PPP2R2C: variants seen among roughly 807,000 people sequenced by gnomAD.
PPP2R2C encodes the protein protein phosphatase 2 regulatory subunit Bgamma.
A neutral mutation model predicts 45.3 loss-of-function variants in PPP2R2C; 10 were observed. The ratio of observed to expected loss-of-function variants is 0.22; its 90% CI spans 0.14 to 0.37. The LOEUF is 0.37. PPP2R2C is among the 10% of genes least tolerant of loss of function. PPP2R2C has a pLI of 1.00. For missense variants in PPP2R2C, 308 were observed against 619.7 expected (o/e 0.50, Z 5.34); for synonymous variants, 257 against 245.4 (o/e 1.05, Z -0.44).
chr4:6,336,386 G>A (rs1035577470), intron 6 of PPP2R2C, among the ~76,000 whole-genome samples: 2 of 152,072 alleles, frequency 1.3e-5, no homozygotes, highest in African/African-American at 4.8e-5. Flanking sequence ...AGGGAGCTGG[G>A]AGAGAACAGG....
chr4:6,329,150 A>G lies in PPP2R2C; in HGVS notation c.1052+112T>C. On this transcript the variant is annotated intron_variant, in intron 8 of 8. Transcript: ENST00000382599. The surrounding 1 kb of genome is among the most constrained non-coding windows in gnomAD (Gnocchi z 5.8). ...GGGCTTCACCCAGACACCTGGACCCATTGAGGCTGAGTAGCCCCATGCTGC... is the reference window on the plus strand; with the variant it reads ...GGGCTTCACCCAGACACCTGGACCCGTTGAGGCTGAGTAGCCCCATGCTGC... The G allele has an allele frequency of 1.0e-6, 1 of 999,102 alleles. No individual in the cohort carries two copies. Among genetic ancestry groups the G allele is most frequent in the Non-Finnish European group, 1.5e-6 (1 of 651,366 alleles). 61.9% of individuals were successfully genotyped at this position (999,102 alleles called of 1,614,324 possible).
intron 1 of PPP2R2C, among the ~76,000 whole-genome samples, chr4:6,409,426 G>A (rs1032459981): frequency 4.6e-5 from 7 of 152,168 alleles, no homozygotes; most frequent in Non-Finnish European, 7.4e-5. Flanking sequence ...GTGGTGCCAG[G>A]CACCAGGCCC....
chr4:6,531,985 G>A (rs540137110), intron 2 of PPP2R2C, among the ~76,000 whole-genome samples: 1 of 152,336 alleles, frequency 6.6e-6, no homozygotes, highest in East Asian at 1.9e-4. Flanking sequence ...ACCCAGTATG[G>A]ATTCCATTTT....
upstream of PPP2R2C, among the ~76,000 whole-genome samples, chr4:6,474,454 C>T (rs1722065491): frequency 6.6e-6 from 1 of 152,146 alleles, no homozygotes; most frequent in Non-Finnish European, 1.5e-5. Context: ...TGAGGCCCAC[C>T]CTCCCGCATG....
intron 6 of PPP2R2C, among the ~76,000 whole-genome samples, chr4:6,338,853 T>C (rs1377745295): frequency 3.3e-5 from 5 of 152,134 alleles, no homozygotes; most frequent in South Asian, 4.1e-4. Context: ...GCAGAATGCA[T>C]CGTGCTCTGT....
In PPP2R2C at chr4:6,324,697, A is replaced by G. The variant is rs1560438727; in HGVS notation, c.1053-1104T>C. Among the ~76,000 whole-genome samples the G allele has an allele frequency of 6.6e-6, 1 of 152,202 alleles. No individual in the cohort carries two copies. The highest frequency in any genetic ancestry group is 1.5e-5 in the Non-Finnish European group (1 of 68,040). ...GCTCGCTGCCCTCACCGTCCCGCTAAAGAGAATTCCACACCATTTCTCTGC... is the reference window on the plus strand; with the variant it reads ...GCTCGCTGCCCTCACCGTCCCGCTAGAGAGAATTCCACACCATTTCTCTGC... On this transcript the variant is annotated intron_variant, in intron 8 of 8. Coordinates refer to ENST00000382599, the MANE Select transcript of PPP2R2C (RefSeq NM_020416.4). The surrounding 1 kb of genome is among the most constrained non-coding windows in gnomAD (Gnocchi z 4.1).
At chr4:6,473,491 G>C (rs1367320667), upstream of PPP2R2C, among the ~76,000 whole-genome samples, 1 of 152,202 alleles carries the variant, frequency 6.6e-6, no homozygotes, top group Non-Finnish European at 1.5e-5. Context: ...AGAGGTGTGG[G>C]TGAGGAACCA....
chr4:6,511,090 T>G (rs7660104), intron 2 of PPP2R2C, among the ~76,000 whole-genome samples: 11,549 of 152,246 alleles, frequency 0.076, 814 homozygotes, highest in African/African-American at 0.19. Context: ...GTCCCTGAAT[T>G]TGTCCTTCTC....
chr4:6,367,657 T>C (rs4272078), intron 5 of PPP2R2C, among the ~76,000 whole-genome samples: 138,388 of 152,252 alleles, frequency 0.91, 63,036 homozygotes, highest in East Asian at 1. Flanking sequence ...CTATCAGTCC[T>C]CATCGCAGCA....
intron 6 of PPP2R2C, among the ~76,000 whole-genome samples, chr4:6,335,618 C>G (rs1732785973): frequency 6.6e-6 from 1 of 152,010 alleles, no homozygotes; most frequent in Admixed American, 6.5e-5. Context: ...TAGGGAGGGG[C>G]AGGCAGGAGG....
chr4:6,512,418 GATGGT>G (rs1723653184), intron 2 of PPP2R2C, among the ~76,000 whole-genome samples: 2 of 124,676 alleles, frequency 1.6e-5, no homozygotes, highest in Non-Finnish European at 3.5e-5. Flanking sequence ...TGGTGGTGGT[GATGGT>G]GGGGGTGGTG....
intron 5 of PPP2R2C, chr4:6,348,775 G>C: frequency 1.1e-6 from 1 of 880,732 alleles, no homozygotes; most frequent in African/African-American, 1.8e-5. Context: ...AGTGGAAAGA[G>C]TGCAGAGAAA....
chr4:6,461,283 G>T (rs898062927), intron 1 of PPP2R2C, among the ~76,000 whole-genome samples: 3 of 152,130 alleles, frequency 2.0e-5, no homozygotes, highest in Non-Finnish European at 4.4e-5. Context: ...TTCTTAGTAG[G>T]GTTTTTTGGA....
intron 1 of PPP2R2C, among the ~76,000 whole-genome samples, chr4:6,407,671 A>G (rs1717891335): frequency 6.6e-6 from 1 of 152,194 alleles, no homozygotes; most frequent in Non-Finnish European, 1.5e-5. Context: ...AAAGGCTGGG[A>G]TTACAGGTGT....
Position 6,431,187 on chromosome 4 carries a change from G to A in PPP2R2C, c.70+40973C>T, listed in dbSNP as rs1053188234. 3.3e-5 allele frequency among the ~76,000 whole-genome samples: 5 copies of A among 152,320 alleles called. No individual in the cohort carries two copies. The South Asian group carries it at 8.3e-4, about 25-fold the overall frequency. ...GAAAGCCACCAGGGTGTGCAGGTCC[G>A]TGTTTCCCTGCACCTGGAGGGAGAG... On this transcript the variant is annotated intron_variant, in intron 1 of 8. Coordinates refer to ENST00000382599, the MANE Select transcript of PPP2R2C (RefSeq NM_020416.4).
chr4:6,558,414 A>G (rs1188421444), intron 1 of PPP2R2C, among the ~76,000 whole-genome samples: 1 of 152,186 alleles, frequency 6.6e-6, no homozygotes, highest in African/African-American at 2.4e-5. Context: ...CTCAGGGCTT[A>G]CAAAGAGCCC....
chr4:6,512,454 G>A (rs1354036227), intron 2 of PPP2R2C, among the ~76,000 whole-genome samples: 2 of 141,974 alleles, frequency 1.4e-5, no homozygotes, highest in Non-Finnish European at 3.1e-5. Context: ...CGGTGGTGGT[G>A]GTGGTGGTGA....
chr4:6,512,408 T>G (rs1723651570), intron 2 of PPP2R2C, among the ~76,000 whole-genome samples: 1 of 122,124 alleles, frequency 8.2e-6, no homozygotes, highest in Non-Finnish European at 1.8e-5. Flanking sequence ...GTGGTGATGG[T>G]GGTGGTGGTG....
chr4:6,349,191 C>T (rs2109228963), intron 5 of PPP2R2C: 1 of 985,356 alleles, frequency 1.0e-6, no homozygotes. Context: ...TGACCTCAGG[C>T]TCCGGTCTCC....
Sources: gnomAD v4.1 joint callset for allele counts (sites outside exome capture counted in the v4.1 genomes callset) on GRCh38, gnomAD v4.1.1 for gene constraint, Gnocchi (gnomAD v3.1) non-coding constraint, MANE v1.5 for transcripts, NCBI Gene and HGNC (gene_info 2026-07-23, HGNC 2026-07-21) for gene names.